The following NAALADL2 variants were observed in gnomAD, a reference collection of about 807,000 sequenced individuals.
NAALADL2 encodes inactive N-acetylated-alpha-linked acidic dipeptidase-like protein 2.
NAALADL2 carries 76 observed loss-of-function variants against 87.2 expected under a neutral mutation model. The ratio of observed to expected loss-of-function variants is 0.87; its 90% CI spans 0.72 to 1.05. The LOEUF is 1.05. NAALADL2 is among the 50% of genes least tolerant of loss of function. The probability of loss-of-function intolerance (pLI) is 0.00; values close to 1 mark genes in which losing one functional copy is unlikely to be tolerated. For missense variants in NAALADL2, 1,089 were observed against 945.8 expected (o/e 1.15, Z -1.99); for synonymous variants, 354 against 331.0 (o/e 1.07, Z -0.75).
chr3:175,594,774 C>A (rs1722024821), intron 10 of NAALADL2, among the ~76,000 whole-genome samples: 2 of 152,004 alleles, frequency 1.3e-5, no homozygotes, highest in Admixed American at 1.3e-4. Flanking sequence ...AGCATTTTTT[C>A]ATGTTTGTTG....
At chr3:175,539,216 C>A (rs1185540961) in intron 9 of NAALADL2, among the ~76,000 whole-genome samples, 8 of 152,172 alleles carry the variant, frequency 5.3e-5, no homozygotes, top group Non-Finnish European at 8.8e-5. Flanking sequence ...GCATTACCAA[C>A]TGGTAATTCC....
In NAALADL2 at chr3:175,096,960, C is replaced by T; in HGVS notation, c.214C>T (p.Gln72Ter). 6.2e-7 allele frequency: 1 copy of T among 1,613,320 alleles called. No individual in the cohort carries two copies. The highest frequency in any genetic ancestry group is 8.5e-7 in the Non-Finnish European group (1 of 1,179,632). The change falls in exon 2 of 14, where the codon CAG (glutamine) becomes TAG (stop). Residue 72 changes from glutamine (Q) to a stop codon, truncating the protein, a stop_gained. Coordinates refer to ENST00000454872, the MANE Select transcript of NAALADL2 (RefSeq NM_207015.3). LOFTEE classifies it high-confidence loss of function. ...DQFQLDGAEN[Q>*]NLGHSETIDL... ...ATTCCAGCTAGACGGTGCTGAGAAT[C>T]AGAACCTAGGGCATTCAGAGACTAT... is the stretch of plus-strand genomic sequence containing the variant.
intron 10 of NAALADL2, among the ~76,000 whole-genome samples, chr3:175,576,974 T>C (rs769131089): frequency 1.3e-5 from 2 of 152,204 alleles, no homozygotes; most frequent in African/African-American, 2.4e-5. Context: ...TTAAATTATG[T>C]TTGTATAGGC....
At chr3:175,371,064 GA>G (rs1284096735) in intron 5 of NAALADL2, among the ~76,000 whole-genome samples, 1 of 151,950 alleles carries the variant, frequency 6.6e-6, no homozygotes. Flanking sequence ...GAACAGTATG[GA>G]AAAAAACTAT....
At chr3:175,414,594 T>C (rs939486334) in intron 5 of NAALADL2, among the ~76,000 whole-genome samples, 3 of 152,200 alleles carry the variant, frequency 2.0e-5, no homozygotes, top group Non-Finnish European at 4.4e-5. Flanking sequence ...TATTATTATA[T>C]GCTAAAAGAA....
At chr3:174,926,648 C>CAA (rs1459305587) in intron 1 of NAALADL2, among the ~76,000 whole-genome samples, 3 of 152,070 alleles carry the variant, frequency 2.0e-5, no homozygotes, top group Non-Finnish European at 2.9e-5. Context: ...TACAGACAAG[C>CAA]AAATGCTGAG....
At chr3:175,131,897 G>A in intron 2 of NAALADL2, among the ~76,000 whole-genome samples, 1 of 94,632 alleles carries the variant, frequency 1.1e-5, no homozygotes, top group Non-Finnish European at 2.1e-5. Context: ...CTCCCAGACG[G>A]GGCGGCTGGC....
intron 5 of NAALADL2, among the ~76,000 whole-genome samples, chr3:175,394,336 G>A (rs2149032861): frequency 1.3e-5 from 2 of 152,274 alleles, no homozygotes; most frequent in South Asian, 4.1e-4. Flanking sequence ...ACAATGCATT[G>A]TATATTTTAA....
chr3:175,128,354 A>G (rs529536313), intron 2 of NAALADL2, among the ~76,000 whole-genome samples: 1 of 152,316 alleles, frequency 6.6e-6, no homozygotes, highest in African/African-American at 2.4e-5. Flanking sequence ...ATGGTTGTCT[A>G]ATTTTTCAAC....
At chr3:175,385,910 G>C (rs941338414) in intron 5 of NAALADL2, among the ~76,000 whole-genome samples, 6 of 152,030 alleles carry the variant, frequency 3.9e-5, no homozygotes, top group Admixed American at 3.9e-4. Flanking sequence ...TATGCCCAAG[G>C]AAGAGGGGAG....
chr3:174,854,534 T>C (rs1294756235), upstream of NAALADL2, among the ~76,000 whole-genome samples: 4 of 152,104 alleles, frequency 2.6e-5, no homozygotes, highest in Admixed American at 6.6e-5. Flanking sequence ...AAGAGTGAAA[T>C]TGTAATGATT....
chr3:174,900,043 A>G (rs909863361), intron 1 of NAALADL2, among the ~76,000 whole-genome samples: 4 of 152,116 alleles, frequency 2.6e-5, no homozygotes, highest in Non-Finnish European at 1.5e-5. Context: ...GTTTGGCAAA[A>G]CAAAAATAAA....
At chr3:174,862,597 T>C (rs1319293255) in intron 1 of NAALADL2, among the ~76,000 whole-genome samples, 1 of 152,122 alleles carries the variant, frequency 6.6e-6, no homozygotes, top group African/African-American at 2.4e-5. Flanking sequence ...CCATGAGCTT[T>C]TAACATGTTC....
intron 2 of NAALADL2, among the ~76,000 whole-genome samples, chr3:174,652,076 A>C (rs1401494625): frequency 6.6e-6 from 1 of 152,178 alleles, no homozygotes; most frequent in Non-Finnish European, 1.5e-5. Flanking sequence ...AAGCTGATGG[A>C]GTCCTGCAGC....
At chr3:175,314,899 T>C (rs867425882) in intron 4 of NAALADL2, among the ~76,000 whole-genome samples, 3 of 151,554 alleles carry the variant, frequency 2.0e-5, no homozygotes, top group South Asian at 2.1e-4. Context: ...AATAGAAATA[T>C]TATTTTCTGC....
chr3:174,853,249 G>A (rs918582048), intron 3 of NAALADL2, among the ~76,000 whole-genome samples: 4 of 143,936 alleles, frequency 2.8e-5, no homozygotes, highest in South Asian at 2.2e-4. Context: ...GTGGTGGCTC[G>A]CACCTGTAGT....
intron 11 of NAALADL2, among the ~76,000 whole-genome samples, chr3:175,709,681 T>A (rs1022917280): frequency 3.9e-5 from 6 of 152,068 alleles, no homozygotes; most frequent in African/African-American, 1.4e-4. Flanking sequence ...CTAGTGAAAT[T>A]GTCTGGAGAA....
At chr3:175,698,503 A>ATATATATAT (rs1491393693) in intron 11 of NAALADL2, among the ~76,000 whole-genome samples, 5 of 141,316 alleles carry the variant, frequency 3.5e-5, no homozygotes, top group African/African-American at 8.2e-5. Context: ...ATATATATAT[A>ATATATATAT]AAATCTCCAA....
At chr3:175,366,084 C>G (rs372737114) in intron 5 of NAALADL2, among the ~76,000 whole-genome samples, 1 of 127,240 alleles carries the variant, frequency 7.9e-6, no homozygotes, top group Middle Eastern at 4.1e-3. Context: ...GTTCAATTCC[C>G]ATCTGTGAGT....
Sources: gnomAD v4.1 joint callset for allele counts (sites outside exome capture counted in the v4.1 genomes callset) on GRCh38, gnomAD v4.1.1 for gene constraint, MANE v1.5 for transcripts, NCBI Gene and HGNC (gene_info 2026-07-23, HGNC 2026-07-21) for gene names.